Variants in TAF4 observed in about 807,000 individuals in gnomAD.
The protein encoded by TAF4 is TATA-box binding protein associated factor 4.
In TAF4, 9 loss-of-function variants were observed where a neutral mutation model predicts 90.3. That is an observed-to-expected ratio of 0.10 (90% CI 0.06 to 0.17). TAF4 has a LOEUF of 0.17. Ranked by LOEUF, TAF4 falls within the 10% of genes least tolerant of loss-of-function variation. TAF4 has a pLI of 1.00. For missense variants in TAF4, 1,351 were observed against 1,370.7 expected (o/e 0.99, Z 0.23); for synonymous variants, 818 against 638.9 (o/e 1.28, Z -4.23).
intron 14 of TAF4, among the ~76,000 whole-genome samples, chr20:61,985,968 G>T (rs71323564): frequency 2.0e-5 from 2 of 101,898 alleles, no homozygotes; most frequent in Admixed American, 9.8e-5. Flanking sequence ...ACCAAAGGAA[G>T]CACCATCCCC....
Position 62,065,768 on chromosome 20 carries a change from T to C in TAF4, c.43A>G (p.Ser15Gly). 7.5e-7 allele frequency: 1 copy of C among 1,328,636 alleles called. No homozygotes were observed. The allele number at this position is 1,328,636 out of a possible 1,614,324, so 82.3% of individuals were successfully genotyped here. Residue 15 changes from serine to glycine, a missense_variant, in exon 1 of 15, where the codon AGC becomes GGC. Coordinates refer to ENST00000252996, the MANE Select transcript of TAF4 (RefSeq NM_003185.4). ...SDLLDEVFFN[S>G]EVDEKVVSDL... ...CTCACCACTTTCTCGTCCACCTCGC[T>C]GTTGAAGAAGACCTCGTCCAGCAGA... is the stretch of plus-strand genomic sequence containing the variant.
At chr20:61,993,746 G>T (rs530738201) in intron 14 of TAF4, among the ~76,000 whole-genome samples, 2 of 152,090 alleles carry the variant, frequency 1.3e-5, no homozygotes, top group East Asian at 3.9e-4. Context: ...TTCTAGTTTG[G>T]TTTTTTTGTT....
At chr20:62,011,386 G>A (rs754105347) in intron 3 of TAF4, among the ~76,000 whole-genome samples, 3 of 152,266 alleles carry the variant, frequency 2.0e-5, no homozygotes, top group South Asian at 2.1e-4. Context: ...ATTTCACTCA[G>A]ATGATATCCA....
intron 1 of TAF4, among the ~76,000 whole-genome samples, chr20:62,041,290 C>T (rs1366464306): frequency 6.6e-6 from 1 of 152,166 alleles, no homozygotes; most frequent in African/African-American, 2.4e-5. Flanking sequence ...ATGTCCCCTC[C>T]AAGAATTTTT....
rs1438194669 is a variant in TAF4, at chr20:62,006,372, T to C, written c.2223+138A>G. ...TGGTTTCTATTTTAACTATTTAAGGTAATACCCAAGCTTCCTCTAGCAGGA... is the reference window on the plus strand; with the variant it reads ...TGGTTTCTATTTTAACTATTTAAGGCAATACCCAAGCTTCCTCTAGCAGGA... On this transcript the variant is annotated intron_variant, in intron 7 of 14. Transcript: ENST00000252996. The surrounding 1 kb of genome is among the most constrained non-coding windows in gnomAD (Gnocchi z 7.0). 1 of 1,151,002 alleles carries C rather than the reference T, an allele frequency of 8.7e-7. No homozygotes were observed. The highest frequency in any genetic ancestry group is 1.1e-6 in the Non-Finnish European group (1 of 894,698). 71.3% of individuals were successfully genotyped at this position (1,151,002 alleles called of 1,614,324 possible).
chr20:62,008,941 G>A, intron 5 of TAF4, 111 bp downstream of exon 5: 1 of 1,416,444 alleles, frequency 7.1e-7, no homozygotes, highest in Non-Finnish European at 9.4e-7. Context: ...CCTTCCAGAG[G>A]AGCTCTCCCT....
intron 3 of TAF4, chr20:62,012,584 G>A (rs1303856881): frequency 8.2e-6 from 4 of 487,718 alleles, no homozygotes; most frequent in Non-Finnish European, 1.4e-5. Context: ...TGCTGCTGGT[G>A]TTAAATTCTG....
At chr20:61,980,608 CAG>C (rs1338392023) in intron 14 of TAF4, 1 of 152,294 alleles carries the variant, frequency 6.6e-6, no homozygotes, top group African/African-American at 2.4e-5. Flanking sequence ...GAAAAACACT[CAG>C]ACACACAGCT....
At chr20:61,996,541 C>T (rs909683160) in intron 14 of TAF4, among the ~76,000 whole-genome samples, 2 of 152,104 alleles carry the variant, frequency 1.3e-5, no homozygotes, top group Non-Finnish European at 2.9e-5. Flanking sequence ...TGGCTCATGC[C>T]TGTAATCCCA....
intron 1 of TAF4, among the ~76,000 whole-genome samples, chr20:62,053,922 G>A (rs1203679695): frequency 1.3e-5 from 2 of 152,262 alleles, no homozygotes; most frequent in South Asian, 4.1e-4. Flanking sequence ...CAGGACTGCA[G>A]GGACTGACGG....
chr20:62,064,959 G>T lies in TAF4; in HGVS notation c.852C>A (p.Pro284=). 4 of 451,406 alleles carry T rather than the reference G, an allele frequency of 8.9e-6. No homozygotes were observed. The highest frequency in any genetic ancestry group is 2.4e-5 in the African/African-American group (1 of 42,542). 28.0% of individuals were successfully genotyped at this position (451,406 alleles called of 1,614,324 possible). The change falls in exon 1 of 15, where the codon CCC becomes CCA. Residue 284 remains proline (P), a synonymous_variant. Coordinates refer to ENST00000252996, the MANE Select transcript of TAF4 (RefSeq NM_003185.4). ...CGGTCGGGGGTCCGGCGGGGTGGCC[G>T]GGCGGCCGGGCCAGAGTGGCGGGCG... ...PPAPATLARP[P]GHPAGPPTAA...
chr20:61,984,668 G>A (rs1226637512), intron 14 of TAF4, among the ~76,000 whole-genome samples: 7 of 107,016 alleles, frequency 6.5e-5, no homozygotes, highest in Admixed American at 1.9e-4. Flanking sequence ...GGCAGTGCCC[G>A]GGACATCAGC....
At chr20:62,045,936 TC>T (rs1372457002) in intron 1 of TAF4, among the ~76,000 whole-genome samples, 1 of 152,164 alleles carries the variant, frequency 6.6e-6, no homozygotes, top group African/African-American at 2.4e-5. Flanking sequence ...AAATTTTCCT[TC>T]TCTCACGCAA....
intron 4 of TAF4, among the ~76,000 whole-genome samples, chr20:62,009,726 C>T (rs543883436): frequency 2.0e-5 from 3 of 152,314 alleles, no homozygotes; most frequent in East Asian, 3.9e-4. Context: ...TCGATACAGG[C>T]CGACACTACG....
intron 1 of TAF4, among the ~76,000 whole-genome samples, chr20:62,029,297 C>T (rs1208768247): frequency 6.6e-6 from 1 of 151,826 alleles, no homozygotes; most frequent in Non-Finnish European, 1.5e-5. Context: ...CAAGATAAAA[C>T]TCGGAGGCAA....
intron 1 of TAF4, among the ~76,000 whole-genome samples, chr20:62,015,657 C>A (rs1009203562): frequency 1.3e-5 from 2 of 152,202 alleles, no homozygotes; most frequent in Non-Finnish European, 2.9e-5. Flanking sequence ...GCGGCCACTG[C>A]GTTTCCCAGC....
At position 62,010,003 on chromosome 20, in the gene TAF4, G is replaced by A. The variant is rs758176507; in HGVS notation, c.1761+43C>T. ...GGCTGCATTTTCTGACCTGCGCCAC[G>A]GGCCTGACCGTCTTTGAAGGCACGG... On this transcript the variant is annotated intron_variant, in intron 4 of 14. Coordinates refer to ENST00000252996, the MANE Select transcript of TAF4 (RefSeq NM_003185.4). The surrounding 1 kb of genome is among the most constrained non-coding windows in gnomAD (Gnocchi z 4.5). 3.3e-5 allele frequency: 53 copies of A among 1,608,990 alleles called. No homozygotes were observed. The highest frequency in any genetic ancestry group is 1.6e-4 in the African/African-American group (12 of 74,880).
Position 62,045,308 on chromosome 20 carries a change from G to A in TAF4, c.1360+19143C>T, listed in dbSNP as rs28382024. Among the ~76,000 whole-genome samples the A allele has an allele frequency of 7.2e-3, 1,094 of 152,320 alleles. 4 individuals are homozygous for A. Among genetic ancestry groups the A allele is most frequent in the Non-Finnish European group, 0.013 (859 of 68,020 alleles). On this transcript the variant is annotated intron_variant, in intron 1 of 14. Transcript: ENST00000252996. ...GGAATGTTCTTCCCTGCCCTTCCTG[G>A]GAAAGCCCTGCCTGCCGTGCCTGCC...
chr20:62,046,980 A>C (rs2055997005), intron 1 of TAF4, among the ~76,000 whole-genome samples: 1 of 152,200 alleles, frequency 6.6e-6, no homozygotes, highest in African/African-American at 2.4e-5. Context: ...GTTAGATATA[A>C]ATATTTTCTC....
Sources: allele counts gnomAD v4.1 joint callset (sites outside exome capture counted in the v4.1 genomes callset), GRCh38; gene constraint gnomAD v4.1.1; non-coding constraint Gnocchi (gnomAD v3.1); transcripts MANE v1.5; gene names NCBI Gene and HGNC (gene_info 2026-07-23, HGNC 2026-07-21).